DNAH11: variants seen among roughly 807,000 people sequenced by gnomAD.
DNAH11 encodes axonemal beta dynein heavy chain 11.
DNAH11 carries 442 observed loss-of-function variants against 526.0 expected under a neutral mutation model. The observed-to-expected ratio is 0.84, with a 90% CI of 0.78 to 0.91. DNAH11 has a LOEUF of 0.91. Ranked by LOEUF, DNAH11 falls within the 40% of genes least tolerant of loss-of-function variation. The pLI is 0.00. For missense variants in DNAH11, 6,989 were observed against 5,448.7 expected (o/e 1.28, Z -8.90); for synonymous variants, 2,461 against 1,935.9 (o/e 1.27, Z -7.12).
rs1356633562 is a variant in DNAH11, at chr7:21,875,176, C to T, written c.12195+1675C>T. Among the ~76,000 whole-genome samples, 7 of 152,276 alleles carry T rather than the reference C, an allele frequency of 4.6e-5. 1 individual carries two copies. In the South Asian group the frequency reaches 1.4e-3, roughly 32 times the overall value. Reference sequence around the variant, plus strand: ...TCTTTTTGAAACTATTAAGTATCTGCAATATGCCTTATTTAATCCACTATG... The same window carrying T: ...TCTTTTTGAAACTATTAAGTATCTGTAATATGCCTTATTTAATCCACTATG... On this transcript the variant is annotated intron_variant, in intron 74 of 81. Coordinates refer to ENST00000409508, the MANE Select transcript of DNAH11 (RefSeq NM_001277115.2).
At chr7:21,693,904 C>G (rs1386080954) in intron 35 of DNAH11, among the ~76,000 whole-genome samples, 1 of 152,146 alleles carries the variant, frequency 6.6e-6, no homozygotes, top group Non-Finnish European at 1.5e-5. Flanking sequence ...TGGCAGAAGG[C>G]TAAGGGGAAG....
At chr7:21,897,111 G>A (rs761788125) in intron 79 of DNAH11, among the ~76,000 whole-genome samples, 6 of 152,024 alleles carry the variant, frequency 3.9e-5, no homozygotes, top group Non-Finnish European at 8.8e-5. Flanking sequence ...ATAATTATCA[G>A]TTCCAGGTTT....
chr7:21,829,957 A>G (rs1390003350), intron 65 of DNAH11, among the ~76,000 whole-genome samples: 2 of 152,222 alleles, frequency 1.3e-5, no homozygotes, highest in Admixed American at 6.5e-5. Flanking sequence ...CGTGATTTGC[A>G]TAGCTATCTT....
chr7:21,815,525 A>G lies in DNAH11; in HGVS notation c.10333-942A>G, dbSNP rs552295916. Among the ~76,000 whole-genome samples the G allele has an allele frequency of 9.2e-5, 14 of 152,280 alleles. No individual in the cohort carries two copies. The South Asian group carries it at 2.3e-3, about 25-fold the overall frequency. On this transcript the variant is annotated intron_variant, in intron 63 of 81. Coordinates refer to ENST00000409508, the MANE Select transcript of DNAH11 (RefSeq NM_001277115.2). ...TGTTTTGAAGCTCTGTGACAAACCA[A>G]TGAACCAAACTGTTAATGCTGATAC... is the stretch of plus-strand genomic sequence containing the variant.
intron 48 of DNAH11, among the ~76,000 whole-genome samples, chr7:21,740,442 A>G (rs947016638): frequency 2.6e-5 from 4 of 152,106 alleles, no homozygotes; most frequent in Non-Finnish European, 5.9e-5. Flanking sequence ...GATTTTGACT[A>G]TTTTAAGTAC....
Position 21,884,317 on chromosome 7 carries a change from C to G in DNAH11, c.12414C>G (p.Leu4138=). The G allele has an allele frequency of 6.2e-7, 1 of 1,611,750 alleles. No homozygotes were observed. Among genetic ancestry groups the G allele is most frequent in the Non-Finnish European group, 8.5e-7 (1 of 1,178,846 alleles). Residue 4138 remains leucine, a synonymous_variant, in exon 76 of 82, where the codon CTC becomes CTG. Coordinates refer to ENST00000409508, the MANE Select transcript of DNAH11 (RefSeq NM_001277115.2). The stretch of plus-strand genomic sequence containing the variant: ...TCCCATGGGAAGATCTCCGTTATCT[C>G]TTTGGTGAGATCATGTATGGAGGCC... ...SKVPWEDLRY[L]FGEIMYGGHI...
chr7:21,894,490 T>G (rs971096332), intron 77 of DNAH11, 133 bp from the exon 78 acceptor site: 1 of 884,578 alleles, frequency 1.1e-6, no homozygotes, highest in Non-Finnish European at 1.7e-6. Flanking sequence ...GTAGGCATCC[T>G]TCACATGCAT....
intron 65 of DNAH11, among the ~76,000 whole-genome samples, chr7:21,826,040 G>T (rs751114650): frequency 2.0e-5 from 3 of 152,098 alleles, no homozygotes; most frequent in Non-Finnish European, 4.4e-5. Context: ...GGGAGTGAGG[G>T]ATAAGAAGTA....
chr7:21,704,420 G>A lies in DNAH11; in HGVS notation c.6274-14G>A, dbSNP rs1403790622. 1 of 1,583,144 alleles carries A rather than the reference G, an allele frequency of 6.3e-7. No homozygotes were observed. The highest frequency in any genetic ancestry group is 1.3e-5 in the African/African-American group (1 of 74,240). ...CCTTGTATTGGCTTTTTTATAAAAT[G>A]TTTTTTTTTCTAGGTACTCATGAGA... On this transcript the variant is annotated splice_polypyrimidine_tract_variant and intron_variant, in intron 37 of 81. Coordinates refer to ENST00000409508, the MANE Select transcript of DNAH11 (RefSeq NM_001277115.2).
rs1285979781 is a variant in DNAH11, at chr7:21,601,084, G to T, written c.3330G>T (p.Lys1110Asn). The T allele has an allele frequency of 4.3e-6, 7 of 1,611,674 alleles. No individual in the cohort carries two copies. The highest frequency in any genetic ancestry group is 1.7e-5 in the Admixed American group (1 of 59,442). The change falls in exon 17 of 82, where the codon AAG becomes AAT. Residue 1110 changes from lysine (K) to asparagine (N), a missense_variant. Lys to Asn is a moderately conservative substitution (Grantham distance 94). Transcript: ENST00000409508. ...EDFRVFDSWF[K>N]VDMKPFKVSL... is the part of the protein sequence containing the mutation. ...TTAGAGTGTTTGATAGTTGGTTCAA[G>T]GTGGACATGAAGCCTTTCAAAGTGA...
At chr7:21,829,107 T>C (rs572311698) in intron 65 of DNAH11, among the ~76,000 whole-genome samples, 45 of 152,310 alleles carry the variant, frequency 3.0e-4, no homozygotes, top group African/African-American at 1.1e-3. Context: ...CGCTGCACTC[T>C]TGACTGTAGC....
chr7:21,705,186 T>C (rs1241209189), intron 38 of DNAH11, among the ~76,000 whole-genome samples: 1 of 152,230 alleles, frequency 6.6e-6, no homozygotes, highest in East Asian at 1.9e-4. Flanking sequence ...TCAAAACTCA[T>C]GAAGAGTTAA....
intron 45 of DNAH11, among the ~76,000 whole-genome samples, chr7:21,730,951 C>A (rs554115732): frequency 1.3e-5 from 2 of 152,126 alleles, no homozygotes; most frequent in African/African-American, 4.8e-5. Flanking sequence ...CGAGACCAAC[C>A]TGGCCAACAT....
At chr7:21,676,693 G>A (rs1782905608) in intron 30 of DNAH11, among the ~76,000 whole-genome samples, 1 of 152,214 alleles carries the variant, frequency 6.6e-6, no homozygotes, top group Admixed American at 6.5e-5. Flanking sequence ...GCAAGACAAT[G>A]CGTGTGAATG....
intron 9 of DNAH11, among the ~76,000 whole-genome samples, chr7:21,587,264 C>G (rs949026246): frequency 2.0e-5 from 3 of 152,102 alleles, no homozygotes; most frequent in African/African-American, 7.2e-5. Flanking sequence ...AGTTTGAAAT[C>G]TAGGGGGCTC....
intron 38 of DNAH11, 71 bp from the exon 39 acceptor site, chr7:21,705,389 C>T: frequency 1.3e-6 from 2 of 1,534,036 alleles, no homozygotes; most frequent in Non-Finnish European, 1.8e-6. Context: ...AAGAATTGGG[C>T]AAAAATGGTA....
intron 7 of DNAH11, among the ~76,000 whole-genome samples, chr7:21,570,901 GTTTAAA>G (rs942619266): frequency 1.4e-4 from 20 of 142,234 alleles, no homozygotes; most frequent in South Asian, 4.5e-4. Flanking sequence ...AAAAAAAAAA[GTTTAAA>G]TTGATGACAC....
At chr7:21,831,471 C>A (rs1781767517) in intron 65 of DNAH11, among the ~76,000 whole-genome samples, 1 of 152,102 alleles carries the variant, frequency 6.6e-6, no homozygotes, top group Admixed American at 6.5e-5. Flanking sequence ...ATCATAAACA[C>A]CCCAATTGAG....
chr7:21,790,566 T>C (rs1788438109), intron 61 of DNAH11, among the ~76,000 whole-genome samples: 1 of 152,220 alleles, frequency 6.6e-6, no homozygotes. Context: ...TCAATATATA[T>C]GTGGCTATAT....
Sources: allele counts gnomAD v4.1 joint callset (sites outside exome capture counted in the v4.1 genomes callset), GRCh38; gene constraint gnomAD v4.1.1; transcripts MANE v1.5; gene names NCBI Gene and HGNC (gene_info 2026-07-23, HGNC 2026-07-21).